The following FBF1 variants were observed in gnomAD, a reference collection of about 807,000 sequenced individuals.
FBF1 encodes the protein fas-binding factor 1.
Under a neutral mutation model 147.2 loss-of-function variants are expected in FBF1, and 119 were observed. The observed-to-expected ratio is 0.81, with a 90% CI of 0.70 to 0.94. FBF1 has a LOEUF of 0.94. Among genes scored for constraint, FBF1 ranks in the 40% least tolerant of loss-of-function variants. The pLI is 0.00. For missense variants in FBF1, 1,449 were observed against 1,500.8 expected (o/e 0.97, Z 0.57); for synonymous variants, 601 against 609.0 (o/e 0.99, Z 0.19).
rs1263328844 is a variant in FBF1, at chr17:75,922,997, G to A, written c.1424+189C>T. Among the ~76,000 whole-genome samples the A allele has an allele frequency of 1.3e-5, 2 of 152,230 alleles. No individual in the cohort carries two copies. Among genetic ancestry groups the A allele is most frequent in the African/African-American group, 4.8e-5 (2 of 41,450 alleles). On this transcript the variant is annotated intron_variant, in intron 14 of 29. Transcript: ENST00000636174. The surrounding 1 kb of genome is among the most constrained non-coding windows in gnomAD (Gnocchi z 5.0). ...TGGGTATGTCCCTGGGGCAAGCCTG[G>A]GAGCCAGAGGCTCTCTCTGCAGTGC...
rs371540508 is a variant in FBF1 at position 75,925,327 on chromosome 17, C to G, written c.968+20G>C. The G allele has an allele frequency of 1.2e-6, 2 of 1,603,454 alleles. No homozygotes were observed. The highest frequency in any genetic ancestry group is 1.7e-6 in the Non-Finnish European group (2 of 1,173,048). ...GCCGACCTGTCTCAAGAGGCCAAGC[C>G]TCCTGCAGGCCCCACTTACCTGACA... is the stretch of plus-strand genomic sequence containing the variant. On this transcript the variant is annotated intron_variant, in intron 13 of 29. Coordinates refer to ENST00000636174, the MANE Select transcript of FBF1 (RefSeq NM_001319193.2). This position sits in a 1 kb window ranked among gnomAD's most constrained non-coding sequence, Gnocchi z 5.0.
At position 75,923,602 on chromosome 17, in the gene FBF1, T is replaced by A. The variant is rs1167533514; in HGVS notation, c.1008A>T (p.Glu336Asp). The A allele has an allele frequency of 1.2e-6, 2 of 1,610,422 alleles. No individual in the cohort carries two copies. Among genetic ancestry groups the A allele is most frequent in the South Asian group, 2.2e-5 (2 of 90,266 alleles). The change falls in exon 14 of 30, where the codon GAA becomes GAT. Residue 336 changes from glutamate to aspartate, a missense_variant. Transcript: ENST00000636174. This position sits in a 1 kb window ranked among gnomAD's most constrained non-coding sequence, Gnocchi z 4.1. The stretch of plus-strand genomic sequence containing the variant: ...TTGGAGGGCTCTGTTTGGAGCCTGG[T>A]TCTCCCTTGGGGTCTGCGCCACTGT... ...FADSGADPKGEPGSKQSPPMA... is the reference protein window; with the variant it reads ...FADSGADPKGDPGSKQSPPMA...
At position 75,915,024 on chromosome 17, in the gene FBF1, C is replaced by A; in HGVS notation, c.2621G>T (p.Arg874Leu). 6.2e-7 allele frequency: 1 copy of A among 1,613,456 alleles called. No homozygotes were observed. The highest frequency in any genetic ancestry group is 8.5e-7 in the Non-Finnish European group (1 of 1,179,828). The change falls in exon 24 of 30, where the codon CGG becomes CTG. Residue 874 changes from arginine to leucine, a missense_variant. Transcript: ENST00000636174. ...QMAMERAELE[R>L]AKSALLEEQK... is the part of the protein sequence containing the mutation. The stretch of plus-strand genomic sequence containing the variant: ...TGCGGTGGCTTGACTCACCTTGGCC[C>A]GTTCCAGCTCCGCCCTTTCCATGGC...
intron 23 of FBF1, among the ~76,000 whole-genome samples, chr17:75,915,344 C>A (rs2065482316): frequency 6.6e-6 from 1 of 152,138 alleles, no homozygotes; most frequent in South Asian, 2.1e-4. Flanking sequence ...AAGGACCCAG[C>A]AGGTGCCCTC....
intron 23 of FBF1, among the ~76,000 whole-genome samples, chr17:75,916,862 T>G (rs527955514): frequency 1.3e-5 from 2 of 152,218 alleles, no homozygotes; most frequent in Middle Eastern, 3.2e-3. Flanking sequence ...TTATTATTTA[T>G]TTTTTTGAGA....
chr17:75,938,513 G>A (rs957466185), intron 1 of FBF1, among the ~76,000 whole-genome samples: 3 of 125,654 alleles, frequency 2.4e-5, no homozygotes, highest in Non-Finnish European at 4.7e-5. Context: ...CCAAGACCGC[G>A]CCACTGCACT....
chr17:75,930,290 C>T (rs938701360), intron 6 of FBF1, among the ~76,000 whole-genome samples: 33 of 152,196 alleles, frequency 2.2e-4, no homozygotes, highest in African/African-American at 8.0e-4. Context: ...CTCCTTCCAA[C>T]CATAGAGAAC....
intron 4 of FBF1, among the ~76,000 whole-genome samples, chr17:75,935,231 G>A (rs1167522275): frequency 1.3e-5 from 2 of 150,522 alleles, no homozygotes; most frequent in Non-Finnish European, 3.0e-5. Context: ...GTGGTGCAAC[G>A]TTGGCTCACT....
rs571115640 is a variant in FBF1, at chr17:75,928,723, G to A, written c.280-530C>T. Among the ~76,000 whole-genome samples, 31 of 152,144 alleles carry A rather than the reference G, an allele frequency of 2.0e-4. No homozygotes were observed. The highest frequency in any genetic ancestry group is 6.5e-4 in the African/African-American group (27 of 41,494). On this transcript the variant is annotated intron_variant, in intron 7 of 29. Coordinates refer to ENST00000636174, the MANE Select transcript of FBF1 (RefSeq NM_001319193.2). This position sits in a 1 kb window ranked among gnomAD's most constrained non-coding sequence, Gnocchi z 4.2. Reference sequence around the variant, plus strand: ...CTTGGGAGGCTGAGGTAGGAGAATCGCTTGAACCTGGGAGGTGGAGGTTGC... The same window carrying A: ...CTTGGGAGGCTGAGGTAGGAGAATCACTTGAACCTGGGAGGTGGAGGTTGC...
Position 75,918,623 on chromosome 17 carries a change from G to A in FBF1, c.2139-354C>T, listed in dbSNP as rs569652541. Among the ~76,000 whole-genome samples the A allele has an allele frequency of 2.0e-5, 3 of 151,686 alleles. No individual in the cohort carries two copies. The highest frequency in any genetic ancestry group is 6.6e-5 in the Admixed American group (1 of 15,212). ...AGCAATTCTCCTGCCTCAGCCTCCC[G>A]AGTGGCTGGGACTATAGGCGCTCAC... On this transcript the variant is annotated intron_variant, in intron 20 of 29. Coordinates refer to ENST00000636174, the MANE Select transcript of FBF1 (RefSeq NM_001319193.2). This position sits in a 1 kb window ranked among gnomAD's most constrained non-coding sequence, Gnocchi z 5.8.
Position 75,923,452 on chromosome 17 carries a change from G to T in FBF1, c.1158C>A (p.Val386=). 1 of 1,609,238 alleles carries T rather than the reference G, an allele frequency of 6.2e-7. No individual in the cohort carries two copies. The change falls in exon 14 of 30, where the codon GTC becomes GTA. Residue 386 remains valine (V), a synonymous_variant. Transcript: ENST00000636174. The surrounding 1 kb of genome is among the most constrained non-coding windows in gnomAD (Gnocchi z 4.1). Reference sequence around the variant, plus strand: ...TCGCAGGAGGAGGCACTGAGGGCGTGACAGGCACTGAACTTTCCCGATGGG... The same window carrying T: ...TCGCAGGAGGAGGCACTGAGGGCGTTACAGGCACTGAACTTTCCCGATGGG... The part of the protein sequence containing the change: ...REAHRESSVP[V]TPSVPPPASQ...
intron 3 of FBF1, 104 bp from the exon 4 acceptor site, chr17:75,935,777 T>G: frequency 9.1e-7 from 1 of 1,094,350 alleles, no homozygotes; most frequent in African/African-American, 1.6e-5. Flanking sequence ...CTTTCAGATG[T>G]TGGGACTTAG....
chr17:75,930,799 G>A (rs1282282660), intron 6 of FBF1, among the ~76,000 whole-genome samples: 1 of 152,156 alleles, frequency 6.6e-6, no homozygotes, highest in Admixed American at 6.6e-5. Context: ...GTGGGTGCCT[G>A]TAATCCCAGC....
chr17:75,940,715 A>G (rs189797248), intron 1 of FBF1, 133 bp downstream of exon 1: 145 of 153,932 alleles, frequency 9.4e-4, no homozygotes, highest in Non-Finnish European at 1.4e-3. Context: ...AGGGCTACAG[A>G]GTAACCCCGT....
chr17:75,940,337 G>C (rs997051359), intron 1 of FBF1, among the ~76,000 whole-genome samples: 2 of 150,590 alleles, frequency 1.3e-5, no homozygotes, highest in Non-Finnish European at 1.5e-5. Context: ...CTGCAGCCTC[G>C]ACCTCCTTGG....
Position 75,917,729 on chromosome 17 carries a change from C to T in FBF1, c.2505+3G>A, listed in dbSNP as rs757629835. 4 of 1,577,052 alleles carry T rather than the reference C, an allele frequency of 2.5e-6. No individual in the cohort carries two copies. The African/African-American group carries it at 4.1e-5, about 16-fold the overall frequency. On this transcript the variant is annotated splice_donor_region_variant and intron_variant, in intron 23 of 29. Transcript: ENST00000636174. Reference sequence around the variant, plus strand: ...GCAGGAGGGCCAGGAGGACGGGCCTCACCTGCTCCAGCAGCCGGCTCTGCT... The same window carrying T: ...GCAGGAGGGCCAGGAGGACGGGCCTTACCTGCTCCAGCAGCCGGCTCTGCT...
At chr17:75,927,578 C>T (rs1385429850) in intron 8 of FBF1, 46 bp from the exon 9 acceptor site, 13 of 1,527,558 alleles carry the variant, frequency 8.5e-6, no homozygotes, top group Non-Finnish European at 1.2e-5. Flanking sequence ...TCTCTCCTGG[C>T]CAAAGTCCTC....
Position 75,917,784 on chromosome 17 carries a change from A to G in FBF1, c.2453T>C (p.Val818Ala). Reference protein sequence around the residue: ...MEEERSRQQEVIGKMEARLNE... With the variant: ...MEEERSRQQEAIGKMEARLNE... ...CAGCCGTGCCTCCATCTTCCCGATG[A>G]CCTCCTGTTGCCGGCTCCGCTCCTC... Residue 818 changes from valine to alanine, a missense_variant, in exon 23 of 30, where the codon GTC becomes GCC. Val to Ala is a moderately conservative substitution (Grantham distance 64). Coordinates refer to ENST00000636174, the MANE Select transcript of FBF1 (RefSeq NM_001319193.2). 1 of 1,610,884 alleles carries G rather than the reference A, an allele frequency of 6.2e-7. No individual in the cohort carries two copies. Among genetic ancestry groups the G allele is most frequent in the Non-Finnish European group, 8.5e-7 (1 of 1,179,298 alleles).
chr17:75,914,149 G>A lies in FBF1; in HGVS notation c.2964C>T (p.Arg988=), dbSNP rs770054332. ...TGCTCATGCTCTCCACCTCCTCGGC[G>A]CGGAGCTTGACACGCAGGGCGGTGG... The part of the protein sequence containing the change: ...INATALRVKL[R]AEEVESMSKV... The change falls in exon 26 of 30, where the codon CGC becomes CGT. Residue 988 remains arginine, a synonymous_variant. Coordinates refer to ENST00000636174, the MANE Select transcript of FBF1 (RefSeq NM_001319193.2). 17 of 1,602,066 alleles carry A rather than the reference G, an allele frequency of 1.1e-5. No individual in the cohort carries two copies. The highest frequency in any genetic ancestry group is 1.7e-5 in the Admixed American group (1 of 58,888).
Sources: gnomAD v4.1 joint callset for allele counts (sites outside exome capture counted in the v4.1 genomes callset) on GRCh38, gnomAD v4.1.1 for gene constraint, Gnocchi (gnomAD v3.1) non-coding constraint, MANE v1.5 for transcripts, NCBI Gene and HGNC (gene_info 2026-07-23, HGNC 2026-07-21) for gene names.